The following GNB1 variants were observed in gnomAD, a reference collection of about 807,000 sequenced individuals.
GNB1 encodes guanine nucleotide-binding protein G(I)/G(S)/G(T) subunit beta-1.
In GNB1, 2 loss-of-function variants were observed where a neutral mutation model predicts 42.9. That is an observed-to-expected ratio of 0.05 (90% CI 0.02 to 0.15). The LOEUF (loss-of-function observed/expected upper bound fraction) is 0.15, where lower values mean the gene tolerates loss of function less well. Ranked by LOEUF, GNB1 falls within the 10% of genes least tolerant of loss-of-function variation. The pLI is 1.00. For missense variants in GNB1, 193 were observed against 462.2 expected, an observed-to-expected ratio of 0.42 and a Z score of 5.34; for synonymous variants, 183 against 174.7, an observed-to-expected ratio of 1.05 and a Z score of -0.38.
At chr1:1,802,888 C>A (rs1165670567) in intron 7 of GNB1, among the ~76,000 whole-genome samples, 1 of 152,116 alleles carries the variant, frequency 6.6e-6, no homozygotes, top group Non-Finnish European at 1.5e-5. Context: ...GCCTACAGAT[C>A]TACTTCAGGT....
At chr1:1,844,733 G>A (rs912091519) in intron 1 of GNB1, among the ~76,000 whole-genome samples, 7 of 152,170 alleles carry the variant, frequency 4.6e-5, no homozygotes, top group Admixed American at 2.6e-4. Context: ...TAGGACACAC[G>A]GCATTAGGCA....
intron 5 of GNB1, among the ~76,000 whole-genome samples, chr1:1,810,712 G>C (rs945384429): frequency 6.6e-6 from 1 of 151,934 alleles, no homozygotes; most frequent in African/African-American, 2.4e-5. Context: ...CTGTCACCCA[G>C]GTTGGAGTGC....
chr1:1,845,915 C>T (rs540816365), intron 1 of GNB1, among the ~76,000 whole-genome samples: 177 of 150,734 alleles, frequency 1.2e-3, no homozygotes, highest in Non-Finnish European at 2.1e-3. Flanking sequence ...CTGGAAGCAA[C>T]GACCTCTCCA....
At chr1:1,879,636 C>T (rs1229522314) in intron 1 of GNB1, among the ~76,000 whole-genome samples, 2 of 148,268 alleles carry the variant, frequency 1.3e-5, no homozygotes, top group Admixed American at 1.4e-4. Context: ...ACCCAGGAGG[C>T]GGAGCTTGCA....
intron 1 of GNB1, among the ~76,000 whole-genome samples, chr1:1,866,881 G>A (rs1648970876): frequency 6.6e-6 from 1 of 152,082 alleles, no homozygotes; most frequent in Non-Finnish European, 1.5e-5. Context: ...GTCAACCCGG[G>A]AGGCGGAGCT....
chr1:1,848,851 A>C (rs1309147104), intron 1 of GNB1, among the ~76,000 whole-genome samples: 1 of 152,096 alleles, frequency 6.6e-6, no homozygotes, highest in Non-Finnish European at 1.5e-5. Context: ...CTAGCATTTT[A>C]CTTCTACATG....
intron 2 of GNB1, among the ~76,000 whole-genome samples, chr1:1,838,572 G>A (rs1244841999): frequency 6.6e-6 from 1 of 151,792 alleles, no homozygotes; most frequent in African/African-American, 2.4e-5. Context: ...AGCCTCCAGA[G>A]TAGCTGGGAC....
At chr1:1,806,071 A>G (rs1012706246) in intron 6 of GNB1, among the ~76,000 whole-genome samples, 5 of 152,246 alleles carry the variant, frequency 3.3e-5, no homozygotes, top group African/African-American at 1.2e-4. Context: ...AATAACATAA[A>G]TTACACTTTA....
At chr1:1,825,320 AC>A in intron 3 of GNB1, 76 bp downstream of exon 3, 1 of 997,392 alleles carries the variant, frequency 1.0e-6, no homozygotes, top group East Asian at 2.4e-5. Context: ...CATCCTGTAA[AC>A]CATTTTTCCT....
Position 1,786,066 on chromosome 1 carries a change from T to A in GNB1, c.*997A>T. The A allele has an allele frequency of 5.0e-6, 2 of 398,572 alleles. No individual in the cohort carries two copies. The allele number at this position is 398,572 out of a possible 1,614,324, so 24.7% of individuals were successfully genotyped here. On this transcript the variant is annotated 3_prime_UTR_variant, in exon 12 of 12. Transcript: ENST00000378609. ...CAATATGGCAAACAATCAAAATTTT[T>A]AAAATTTAACTTAGAAAGTCTGAGA...
At chr1:1,793,597 C>A in intron 7 of GNB1, 1 of 251,634 alleles carries the variant, frequency 4.0e-6, no homozygotes. Context: ...CATCTTTCAT[C>A]TGCTTTACTG....
intron 3 of GNB1, among the ~76,000 whole-genome samples, chr1:1,822,797 T>C (rs1307045864): frequency 1.3e-5 from 2 of 152,152 alleles, no homozygotes; most frequent in African/African-American, 4.8e-5. Context: ...TTTGGGTGTC[T>C]TTCACCTGTG....
chr1:1,881,269 C>T (rs1001188524), intron 1 of GNB1, among the ~76,000 whole-genome samples: 24 of 152,068 alleles, frequency 1.6e-4, no homozygotes, highest in African/African-American at 5.8e-4. Flanking sequence ...TGGTCCAGAC[C>T]CCTTTCCTCT....
chr1:1,810,076 AT>A (rs1395035804), intron 5 of GNB1, among the ~76,000 whole-genome samples: 3 of 151,432 alleles, frequency 2.0e-5, no homozygotes, highest in Non-Finnish European at 2.9e-5. Context: ...CCACAAAAAA[AT>A]ATATATATAT....
chr1:1,865,346 A>G lies in GNB1; in HGVS notation c.-96+25474T>C, dbSNP rs908682917. ...TCATGCCTGTAATCCCAGCACTCTG[A>G]GAGGCCGAGGAGGGCGGATCACAAG... On this transcript the variant is annotated intron_variant, in intron 1 of 11. Transcript: ENST00000378609. Among the ~76,000 whole-genome samples the G allele has an allele frequency of 5.2e-4, 77 of 146,748 alleles. 1 individual carries two copies. The highest frequency in any genetic ancestry group is 1.9e-3 in the African/African-American group (75 of 39,818).
chr1:1,792,709 A>G (rs1427741039), intron 8 of GNB1, among the ~76,000 whole-genome samples: 3 of 151,732 alleles, frequency 2.0e-5, no homozygotes, highest in Non-Finnish European at 4.4e-5. Flanking sequence ...AAAAAAAAAA[A>G]AAAAGAAAAA....
Position 1,834,581 on chromosome 1 carries a change from A to C in GNB1, c.-47+4609T>G, listed in dbSNP as rs997684021. Among the ~76,000 whole-genome samples, 13 of 152,244 alleles carry C rather than the reference A, an allele frequency of 8.5e-5. No individual in the cohort carries two copies. In the South Asian group the frequency reaches 2.7e-3, roughly 32 times the overall value. On this transcript the variant is annotated intron_variant, in intron 2 of 11. Coordinates refer to ENST00000378609, the MANE Select transcript of GNB1 (RefSeq NM_002074.5). ...GAGTCTCATGAAATGAATGGCATCC[A>C]TCCAGAAGACGGGTCTAACAGGGAA...
At chr1:1,848,630 G>T (rs114338021) in intron 1 of GNB1, among the ~76,000 whole-genome samples, 4 of 151,986 alleles carry the variant, frequency 2.6e-5, no homozygotes, top group African/African-American at 9.7e-5. Context: ...ATTTTCTCTA[G>T]CTTGATCACA....
chr1:1,870,780 C>CA (rs1649204622), intron 1 of GNB1, among the ~76,000 whole-genome samples: 1 of 151,942 alleles, frequency 6.6e-6, no homozygotes, highest in Non-Finnish European at 1.5e-5. Flanking sequence ...ACTAAAAATG[C>CA]AAAATAAATT....
Sources: allele counts gnomAD v4.1 joint callset (sites outside exome capture counted in the v4.1 genomes callset), GRCh38; gene constraint gnomAD v4.1.1; transcripts MANE v1.5; gene names NCBI Gene and HGNC (gene_info 2026-07-23, HGNC 2026-07-21).